Variants in SCAF11 observed in about 807,000 individuals in gnomAD.
The protein encoded by SCAF11 is protein SCAF11.
In SCAF11, 47 loss-of-function variants were observed where a neutral mutation model predicts 140.5. The ratio of observed to expected loss-of-function variants is 0.33; its 90% CI spans 0.26 to 0.43. SCAF11 has a LOEUF of 0.43. Ranked by LOEUF, SCAF11 falls within the 20% of genes least tolerant of loss-of-function variation. The pLI, the probability that SCAF11 is intolerant of heterozygous loss-of-function variation, is 1.00. For missense variants in SCAF11, 1,645 were observed against 1,705.1 expected (o/e 0.96, Z 0.62); for synonymous variants, 557 against 579.4 (o/e 0.96, Z 0.55).
At chr12:45,922,279 CAA>C in intron 14 of SCAF11, 85 bp from the exon 15 acceptor site, 1 of 1,483,852 alleles carries the variant, frequency 6.7e-7, no homozygotes, top group Non-Finnish European at 9.0e-7. Context: ...AAAACAACCC[CAA>C]AGAGATAACC....
chr12:45,926,066 A>G, intron 11 of SCAF11, 76 bp downstream of exon 11: 1 of 1,426,110 alleles, frequency 7.0e-7, no homozygotes, highest in East Asian at 2.3e-5. Context: ...GGATCATTTC[A>G]ACTCATACAA....
In SCAF11 at chr12:45,964,143, G is replaced by A; in HGVS notation, c.25C>T (p.Leu9=). The A allele has an allele frequency of 6.5e-7, 1 of 1,534,784 alleles. No individual in the cohort carries two copies. Among genetic ancestry groups the A allele is most frequent in the Admixed American group, 1.7e-5 (1 of 57,516 alleles). ...TCATACTTCTTATCTCCCATATTTA[G>A]GGTACATACAGTTTTCTTCTTCATT... MKKKTVCT[L]NMGDKKYEDM... The change falls in exon 2 of 15, where the codon CTA becomes TTA. Residue 9 remains leucine, a synonymous_variant. Coordinates refer to ENST00000369367, the MANE Select transcript of SCAF11 (RefSeq NM_004719.3).
intron 1 of SCAF11, among the ~76,000 whole-genome samples, chr12:45,989,645 G>A (rs955509897): frequency 3.3e-5 from 5 of 152,198 alleles, no homozygotes; most frequent in Non-Finnish European, 5.9e-5. Flanking sequence ...GGTCTCAGAA[G>A]GGGCGACTGA....
intron 10 of SCAF11, 186 bp downstream of exon 10, chr12:45,931,320 A>C (rs1945040675): frequency 2.7e-6 from 1 of 363,976 alleles, no homozygotes; most frequent in Non-Finnish European, 5.0e-6. Context: ...ATCTATCTAT[A>C]TATACATACA....
rs574368929 is a variant in SCAF11 at position 45,926,253 on chromosome 12, C to T, written c.3448G>A (p.Val1150Met). 5.6e-6 allele frequency: 9 copies of T among 1,614,146 alleles called. No homozygotes were observed. The highest frequency in any genetic ancestry group is 4.4e-5 in the South Asian group (4 of 91,082). ...ACATCTGCTGGCAAAGTCTTTCTCA[C>T]GGCCCAGCTGGATGCAGATGTCCAT... is the stretch of plus-strand genomic sequence containing the variant. Reference protein sequence around the residue: ...SGWTSASSWAVRKTLPADVQN... With the variant: ...SGWTSASSWAMRKTLPADVQN... The change falls in exon 11 of 15, where the codon GTG (valine) becomes ATG (methionine). Residue 1150 changes from valine (V) to methionine (M), a missense_variant. Physicochemically the swap from Val to Met is conservative, Grantham distance 21. Coordinates refer to ENST00000369367, the MANE Select transcript of SCAF11 (RefSeq NM_004719.3).
intron 1 of SCAF11, among the ~76,000 whole-genome samples, chr12:45,972,626 A>G (rs1350802307): frequency 6.7e-6 from 1 of 149,896 alleles, no homozygotes; most frequent in African/African-American, 2.4e-5. Context: ...ACAAAAACAA[A>G]AACATCAACA....
chr12:45,927,777 C>T lies in SCAF11; in HGVS notation c.1924G>A (p.Asp642Asn), dbSNP rs773894339. 8.7e-6 allele frequency: 14 copies of T among 1,613,260 alleles called. No homozygotes were observed. The South Asian group carries it at 1.5e-4, about 18-fold the overall frequency. The change falls in exon 11 of 15, where the codon GAT becomes AAT. Residue 642 changes from aspartate to asparagine, a missense_variant. Transcript: ENST00000369367. ...VQLLGHVETE[D>N]VEIIATCDTF... ...TCACATGTTGCAATTATTTCTACATCTTCAGTTTCAACATGCCCAAGCAAT... is the reference window on the plus strand; with the variant it reads ...TCACATGTTGCAATTATTTCTACATTTTCAGTTTCAACATGCCCAAGCAAT...
In SCAF11 at chr12:45,964,131, C is replaced by A; in HGVS notation, c.37G>T (p.Asp13Tyr). Reference protein sequence around the residue: ...KKTVCTLNMGDKKYEDMEGEE... With the variant: ...KKTVCTLNMGYKKYEDMEGEE... ...CCTTCCATGTCTTCATACTTCTTATCTCCCATATTTAGGGTACATACAGTT... is the reference window on the plus strand; with the variant it reads ...CCTTCCATGTCTTCATACTTCTTATATCCCATATTTAGGGTACATACAGTT... The change falls in exon 2 of 15, where the codon GAT becomes TAT. Residue 13 changes from aspartate to tyrosine, a missense_variant. By Grantham distance (160) the Asp-to-Tyr change is radical. Around this residue, in one of 2 missense-constraint regions of SCAF11, gnomAD observed 1,582 missense variants for 1,609.2 expected, o/e 0.98. Transcript: ENST00000369367. The A allele has an allele frequency of 6.5e-7, 1 of 1,537,678 alleles. No homozygotes were observed. The highest frequency in any genetic ancestry group is 1.7e-5 in the Admixed American group (1 of 57,210).
chr12:45,978,885 AAAC>A (rs1391018431), intron 1 of SCAF11, among the ~76,000 whole-genome samples: 1 of 151,818 alleles, frequency 6.6e-6, no homozygotes, highest in Non-Finnish European at 1.5e-5. Flanking sequence ...GTACAAAAAC[AAAC>A]AACAAATAAA....
Position 45,927,672 on chromosome 12 carries a change from A to C in SCAF11, c.2029T>G (p.Leu677Val). ...LLKNNLLNTK[L>V]EKSLEEKNES... ...TTCTTTTCTTCTAAAGATTTTTCCAATTTGGTGTTCAGAAGATTATTTTTT... is the reference window on the plus strand; with the variant it reads ...TTCTTTTCTTCTAAAGATTTTTCCACTTTGGTGTTCAGAAGATTATTTTTT... Residue 677 changes from leucine (L) to valine (V), a missense_variant, in exon 11 of 15, where the codon TTG becomes GTG. Coordinates refer to ENST00000369367, the MANE Select transcript of SCAF11 (RefSeq NM_004719.3). 1 of 1,612,128 alleles carries C rather than the reference A, an allele frequency of 6.2e-7. No individual in the cohort carries two copies. Among genetic ancestry groups the C allele is most frequent in the Non-Finnish European group, 8.5e-7 (1 of 1,179,938 alleles).
chr12:45,972,892 A>C (rs199574982), intron 1 of SCAF11, among the ~76,000 whole-genome samples: 340 of 14,816 alleles, frequency 0.023, 19 homozygotes, highest in South Asian at 0.022. Context: ...ATATATATAT[A>C]GATATATATA....
At chr12:45,946,783 C>G (rs1462188616) in intron 5 of SCAF11, among the ~76,000 whole-genome samples, 2 of 152,136 alleles carry the variant, frequency 1.3e-5, no homozygotes, top group Non-Finnish European at 2.9e-5. Flanking sequence ...AATACAAATG[C>G]AAGAACCAAA....
chr12:45,954,158 A>G (rs1383883454), intron 3 of SCAF11, among the ~76,000 whole-genome samples: 1 of 152,146 alleles, frequency 6.6e-6, no homozygotes, highest in African/African-American at 2.4e-5. Context: ...AAATCATACA[A>G]TCTCATTTTT....
intron 12 of SCAF11, among the ~76,000 whole-genome samples, chr12:45,924,354 T>A (rs1392786082): frequency 6.6e-6 from 1 of 152,132 alleles, no homozygotes; most frequent in Non-Finnish European, 1.5e-5. Context: ...CAGTACTTAA[T>A]CACTAGTTCC....
At chr12:45,925,831 A>G (rs745360117) in intron 11 of SCAF11, among the ~76,000 whole-genome samples, 1 of 152,198 alleles carries the variant, frequency 6.6e-6, no homozygotes, top group Non-Finnish European at 1.5e-5. Flanking sequence ...AAAAGTGTAC[A>G]TATCTGAAAT....
chr12:45,936,857 C>T (rs979009867), intron 6 of SCAF11, among the ~76,000 whole-genome samples: 2 of 152,088 alleles, frequency 1.3e-5, no homozygotes, highest in Non-Finnish European at 2.9e-5. Flanking sequence ...AGTTAGTGCA[C>T]GATGGATAGT....
chr12:45,973,469 C>T (rs556357703), intron 1 of SCAF11, among the ~76,000 whole-genome samples: 2 of 152,206 alleles, frequency 1.3e-5, no homozygotes, highest in East Asian at 3.9e-4. Context: ...AAGGCATAAA[C>T]TGCTACATTT....
intron 4 of SCAF11, among the ~76,000 whole-genome samples, chr12:45,949,654 A>G (rs1945505252): frequency 6.6e-6 from 1 of 152,126 alleles, no homozygotes; most frequent in East Asian, 1.9e-4. Flanking sequence ...AGTCCCAGAT[A>G]TTTCTGATCT....
intron 6 of SCAF11, among the ~76,000 whole-genome samples, chr12:45,939,293 C>T (rs550548533): frequency 6.6e-6 from 1 of 152,176 alleles, no homozygotes; most frequent in African/African-American, 2.4e-5. Context: ...CGCAACTTCA[C>T]AAACTCTATT....
Sources: gnomAD v4.1 joint callset for allele counts (sites outside exome capture counted in the v4.1 genomes callset) on GRCh38, gnomAD v4.1.1 for gene constraint, gnomAD v4.1.1 regional missense constraint, MANE v1.5 for transcripts, NCBI Gene and HGNC (gene_info 2026-07-23, HGNC 2026-07-21) for gene names.